CEP128: variants seen among roughly 807,000 people sequenced by gnomAD.
CEP128 encodes centrosomal protein 128.
In CEP128, 132 loss-of-function variants were observed where a neutral mutation model predicts 156.7. The ratio of observed to expected loss-of-function variants is 0.84; its 90% CI spans 0.73 to 0.97. CEP128 has a LOEUF of 0.97. Among genes scored for constraint, CEP128 ranks in the 50% least tolerant of loss-of-function variants. The pLI is 0.00. For missense variants in CEP128, 1,252 were observed against 1,281.9 expected (o/e 0.98, Z 0.36); for synonymous variants, 469 against 448.9 (o/e 1.04, Z -0.57).
At chr14:80,551,848 T>C (rs141205360) in intron 21 of CEP128, among the ~76,000 whole-genome samples, 223 of 152,280 alleles carry the variant, frequency 1.5e-3, no homozygotes, top group Non-Finnish European at 2.2e-3. Context: ...CTCTTTGTTC[T>C]TAACAAAAAT....
chr14:80,620,159 G>A (rs1352655483), intron 19 of CEP128, among the ~76,000 whole-genome samples: 3 of 151,984 alleles, frequency 2.0e-5, no homozygotes, highest in African/African-American at 4.8e-5. Flanking sequence ...ACAAAAACAA[G>A]TGCACTGGGA....
At chr14:80,937,253 A>G (rs1280293527) in intron 2 of CEP128, among the ~76,000 whole-genome samples, 2 of 152,184 alleles carry the variant, frequency 1.3e-5, no homozygotes, top group Non-Finnish European at 2.9e-5. Context: ...CCTGGGAGGT[A>G]GAGGCTACAG....
rs535226918 is a variant in CEP128, at chr14:80,716,533, T to C, written c.2806+26542A>G. 9.2e-5 allele frequency among the ~76,000 whole-genome samples: 14 copies of C among 152,356 alleles called. No homozygotes were observed. The East Asian group carries it at 2.3e-3, about 25-fold the overall frequency. ...GTTCCCTTATGATTGACTTTTCATA[T>C]GCATGAAGTTTTCAAGGTGCATCCA... On this transcript the variant is annotated intron_variant, in intron 19 of 24. Transcript: ENST00000555265.
chr14:80,678,661 T>A (rs1357624043), intron 19 of CEP128, among the ~76,000 whole-genome samples: 2 of 152,234 alleles, frequency 1.3e-5, no homozygotes, highest in Non-Finnish European at 2.9e-5. Context: ...AGCTTCCCTC[T>A]GTGACTCATC....
intron 19 of CEP128, among the ~76,000 whole-genome samples, chr14:80,730,724 T>C (rs1898234608): frequency 6.6e-6 from 1 of 152,216 alleles, no homozygotes; most frequent in South Asian, 2.1e-4. Flanking sequence ...CATTAATCAC[T>C]GTGAATTTCA....
At chr14:80,835,002 G>C (rs1886001089) in intron 12 of CEP128, among the ~76,000 whole-genome samples, 1 of 152,158 alleles carries the variant, frequency 6.6e-6, no homozygotes, top group African/African-American at 2.4e-5. Context: ...CTCATGAACG[G>C]CTTGGTGTCC....
At chr14:80,787,015 T>C (rs1901445498) in intron 14 of CEP128, among the ~76,000 whole-genome samples, 1 of 152,186 alleles carries the variant, frequency 6.6e-6, no homozygotes, top group Non-Finnish European at 1.5e-5. Flanking sequence ...TCCGAAAGAA[T>C]GTAAGGTAGG....
At chr14:80,561,913 T>TATATATATATATATA (rs1566781226) in intron 20 of CEP128, among the ~76,000 whole-genome samples, 3 of 148,406 alleles carry the variant, frequency 2.0e-5, no homozygotes, top group Non-Finnish European at 3.0e-5. Context: ...TATATATATA[T>TATATATATATATATA]TTGTTTTGTT....
intron 21 of CEP128, among the ~76,000 whole-genome samples, chr14:80,546,191 T>C (rs529577044): frequency 3.3e-5 from 5 of 152,312 alleles, no homozygotes; most frequent in African/African-American, 1.2e-4. Flanking sequence ...GGGATGATTA[T>C]TTTTAAAATT....
At chr14:80,597,950 C>CAAAAAAAAAAA (rs34001813) in intron 19 of CEP128, among the ~76,000 whole-genome samples, 30 of 80,098 alleles carry the variant, frequency 3.7e-4, no homozygotes, top group African/African-American at 8.5e-4. Context: ...TCCTCAGCTA[C>CAAAAAAAAAAA]AAAAAAAAAA....
intron 2 of CEP128, among the ~76,000 whole-genome samples, chr14:80,949,060 G>A (rs1886402799): frequency 6.6e-6 from 1 of 152,120 alleles, no homozygotes; most frequent in Non-Finnish European, 1.5e-5. Flanking sequence ...CAAAGGTGGA[G>A]TAACAGAGAC....
chr14:80,588,239 T>C (rs892435349), intron 19 of CEP128, among the ~76,000 whole-genome samples: 1 of 152,134 alleles, frequency 6.6e-6, no homozygotes, highest in African/African-American at 2.4e-5. Flanking sequence ...TGGTATGATA[T>C]AGATCAGTGA....
At chr14:80,781,855 A>T (rs1281876082) in intron 15 of CEP128, among the ~76,000 whole-genome samples, 1 of 152,192 alleles carries the variant, frequency 6.6e-6, no homozygotes, top group Non-Finnish European at 1.5e-5. Context: ...TACAGAGATG[A>T]TCTTGAACAT....
At chr14:80,810,581 T>C (rs1450069085) in intron 13 of CEP128, among the ~76,000 whole-genome samples, 2 of 152,154 alleles carry the variant, frequency 1.3e-5, no homozygotes, top group African/African-American at 4.8e-5. Flanking sequence ...TCATCAGGAA[T>C]GTTGGCCTGT....
intron 13 of CEP128, among the ~76,000 whole-genome samples, chr14:80,804,251 A>G (rs1319296202): frequency 6.6e-6 from 1 of 152,192 alleles, no homozygotes; most frequent in Non-Finnish European, 1.5e-5. Context: ...TTATATAAAA[A>G]CACACAAACC....
intron 19 of CEP128, among the ~76,000 whole-genome samples, chr14:80,669,981 A>C (rs1332545035): frequency 6.6e-6 from 1 of 152,130 alleles, no homozygotes. Context: ...TCATGACATA[A>C]GGTGAAGGGG....
downstream of CEP128, among the ~76,000 whole-genome samples, chr14:80,493,170 A>G (rs971452738): frequency 6.6e-6 from 1 of 152,206 alleles, no homozygotes; most frequent in Non-Finnish European, 1.5e-5. Context: ...CAAAAGATAG[A>G]CTTTGCAGGA....
At chr14:80,635,363 A>G (rs1894137434) in intron 19 of CEP128, among the ~76,000 whole-genome samples, 1 of 152,220 alleles carries the variant, frequency 6.6e-6, no homozygotes, top group Admixed American at 6.5e-5. Context: ...ACTATCACGC[A>G]GTCCCAATGC....
intron 20 of CEP128, among the ~76,000 whole-genome samples, chr14:80,564,532 A>G (rs1246164047): frequency 6.6e-6 from 1 of 152,206 alleles, no homozygotes. Context: ...CAAAATTATA[A>G]CTGAGGAAAT....
Sources: allele counts gnomAD v4.1 joint callset (sites outside exome capture counted in the v4.1 genomes callset), GRCh38; gene constraint gnomAD v4.1.1; transcripts MANE v1.5; gene names NCBI Gene and HGNC (gene_info 2026-07-23, HGNC 2026-07-21).